Variants in CTBP2 observed in about 807,000 individuals in gnomAD.
The protein encoded by CTBP2 is C-terminal binding protein 2.
CTBP2 carries 30 observed loss-of-function variants against 80.3 expected under a neutral mutation model. That is an observed-to-expected ratio of 0.37 (90% confidence interval 0.28 to 0.51). CTBP2 has a LOEUF of 0.51. CTBP2 is among the 20% of genes least tolerant of loss of function. The pLI, the probability that CTBP2 is intolerant of heterozygous loss-of-function variation, is 0.93. For missense variants in CTBP2, 1,212 were observed against 1,375.3 expected, an observed-to-expected ratio of 0.88 and a Z score of 1.88; for synonymous variants, 594 against 587.4, an observed-to-expected ratio of 1.01 and a Z score of -0.16.
intron 2 of CTBP2, among the ~76,000 whole-genome samples, chr10:125,110,384 C>T (rs1334479986): frequency 2.0e-5 from 3 of 152,194 alleles, no homozygotes; most frequent in African/African-American, 4.8e-5. Context: ...AACCCTGCTA[C>T]GGGCACAGGA....
At position 125,003,443 on chromosome 10, in the gene CTBP2, C is replaced by G; in HGVS notation, c.1728G>C (p.Val576=). 6.3e-7 allele frequency: 1 copy of G among 1,584,426 alleles called. No homozygotes were observed. Among genetic ancestry groups the G allele is most frequent in the Non-Finnish European group, 8.5e-7 (1 of 1,170,054 alleles). ...TGCAGTCGCGGCCGTCCAGCAGCGC[C>G]ACCAGGGGGCGGGGGTGCAGGGGGC... Residue 576 remains valine (V), a synonymous_variant, in exon 2 of 9, where the codon GTG becomes GTC. Transcript: ENST00000309035.
chr10:125,096,215 C>G (rs914350060), intron 2 of CTBP2, among the ~76,000 whole-genome samples: 5 of 152,216 alleles, frequency 3.3e-5, no homozygotes, highest in African/African-American at 1.2e-4. Context: ...TATGTAGCCC[C>G]ACTATTAGTT....
intron 1 of CTBP2, among the ~76,000 whole-genome samples, chr10:125,119,007 C>T (rs1195628193): frequency 6.6e-6 from 1 of 152,228 alleles, no homozygotes; most frequent in Non-Finnish European, 1.5e-5. Context: ...TACTAACCAG[C>T]TGGGGCATCC....
At chr10:125,115,284 C>T (rs961374089) in intron 1 of CTBP2, among the ~76,000 whole-genome samples, 1 of 152,152 alleles carries the variant, frequency 6.6e-6, no homozygotes, top group Non-Finnish European at 1.5e-5. Flanking sequence ...CACCACTGTG[C>T]GCTGTGTTCC....
chr10:125,003,081 G>A lies in CTBP2; in HGVS notation c.1857C>T (p.Ala619=), dbSNP rs750232291. 1 of 1,614,024 alleles carries A rather than the reference G, an allele frequency of 6.2e-7. No homozygotes were observed. Among genetic ancestry groups the A allele is most frequent in the Non-Finnish European group, 8.5e-7 (1 of 1,180,026 alleles). The change falls in exon 3 of 9, where the codon GCC becomes GCT. Residue 619 remains alanine (A), a synonymous_variant. Coordinates refer to ENST00000309035, the MANE Select transcript of CTBP2 (RefSeq NM_022802.3). ...TGAGGGTGATGGTGTGGTACATCAT[G>A]GCGCCCACGGCTTCGTTTAGAACCT...
chr10:125,094,819 C>T (rs1849309683), intron 2 of CTBP2, among the ~76,000 whole-genome samples: 1 of 151,936 alleles, frequency 6.6e-6, no homozygotes, highest in African/African-American at 2.4e-5. Context: ...TCTGAAGTTC[C>T]AAACTAGAAA....
intron 1 of CTBP2, among the ~76,000 whole-genome samples, chr10:125,020,148 C>T (rs761032816): frequency 6.6e-6 from 1 of 152,220 alleles, no homozygotes; most frequent in Non-Finnish European, 1.5e-5. Context: ...CGCAAACCTT[C>T]CAGGAAAATA....
intron 1 of CTBP2, among the ~76,000 whole-genome samples, chr10:125,124,797 A>G (rs1854944431): frequency 6.6e-6 from 1 of 152,264 alleles, no homozygotes; most frequent in African/African-American, 2.4e-5. Flanking sequence ...TATAATTCAA[A>G]GCTGTCAAAC....
Position 125,011,477 on chromosome 10 carries a change from T to C in CTBP2, c.1679-7985A>G, listed in dbSNP as rs570924619. ...CTGATGCTCCCCAGAGCCTGGGCCA[T>C]GTTCTCAGGCCCCCAAAAGCTTTCT... On this transcript the variant is annotated intron_variant, in intron 1 of 8. Transcript: ENST00000309035. Among the ~76,000 whole-genome samples the C allele has an allele frequency of 2.8e-4, 42 of 152,312 alleles. 1 individual carries two copies. In the South Asian group the frequency reaches 7.9e-3, roughly 29 times the overall value.
At chr10:125,060,363 C>G (rs1208603225) in intron 2 of CTBP2, among the ~76,000 whole-genome samples, 2 of 152,198 alleles carry the variant, frequency 1.3e-5, no homozygotes, top group Non-Finnish European at 2.9e-5. Flanking sequence ...AAATAAGTCA[C>G]TCGTCATTAT....
intron 4 of CTBP2, chr10:124,997,562 G>C (rs189655085): frequency 4.6e-6 from 1 of 217,056 alleles, no homozygotes; most frequent in Non-Finnish European, 9.3e-6. Flanking sequence ...TCCATAACCC[G>C]CGTCTCCACT....
chr10:125,072,372 TGA>T (rs1337272055), intron 2 of CTBP2, among the ~76,000 whole-genome samples: 4 of 152,050 alleles, frequency 2.6e-5, no homozygotes, highest in Non-Finnish European at 5.9e-5. Context: ...TCCAGCATTT[TGA>T]GAGGCCAAGG....
intron 1 of CTBP2, among the ~76,000 whole-genome samples, chr10:125,151,379 G>A (rs980703653): frequency 2.0e-5 from 3 of 152,162 alleles, no homozygotes; most frequent in Non-Finnish European, 4.4e-5. Context: ...CGTCCTCGAC[G>A]TGGAGTTCTG....
chr10:125,085,431 C>T (rs1386548493), intron 2 of CTBP2, among the ~76,000 whole-genome samples: 1 of 152,226 alleles, frequency 6.6e-6, no homozygotes, highest in East Asian at 1.9e-4. Flanking sequence ...GCTCTGCGGG[C>T]ATATGGCAGG....
At chr10:125,030,445 C>T (rs1331567340), upstream of CTBP2, among the ~76,000 whole-genome samples, 27 of 152,180 alleles carry the variant, frequency 1.8e-4, no homozygotes, top group Admixed American at 1.8e-3. Context: ...CCAGACAATT[C>T]CAGAGATGGA....
chr10:125,055,995 T>C (rs566718398), intron 2 of CTBP2, among the ~76,000 whole-genome samples: 3 of 152,066 alleles, frequency 2.0e-5, no homozygotes, highest in South Asian at 2.1e-4. Flanking sequence ...TGAAACCCCG[T>C]GTGTACTAAA....
chr10:125,063,075 G>A (rs1445221328), intron 2 of CTBP2, among the ~76,000 whole-genome samples: 1 of 152,194 alleles, frequency 6.6e-6, no homozygotes, highest in Non-Finnish European at 1.5e-5. Context: ...CAGGGCCCTG[G>A]GCAGCTGTGC....
Position 125,027,006 on chromosome 10 carries a change from C to T in CTBP2, c.754G>A (p.Ala252Thr). Residue 252 changes from alanine (A) to threonine (T), a missense_variant, in exon 1 of 9, where the codon GCC becomes ACC. This residue lies in a region of CTBP2 where 848 missense variants were observed against 782.3 expected (regional missense o/e 1.08). Transcript: ENST00000309035. ...GCAGGCCCGTAGCCACGATTCAGGGCCCCTGGGGCCACCCCTGTGCTGCCT... is the reference window on the plus strand; with the variant it reads ...GCAGGCCCGTAGCCACGATTCAGGGTCCCTGGGGCCACCCCTGTGCTGCCT... 6.2e-7 allele frequency: 1 copy of T among 1,613,988 alleles called. No individual in the cohort carries two copies. Among genetic ancestry groups the T allele is most frequent in the South Asian group, 1.1e-5 (1 of 91,090 alleles).
At chr10:125,060,501 T>C (rs1964756431) in intron 2 of CTBP2, among the ~76,000 whole-genome samples, 2 of 148,926 alleles carry the variant, frequency 1.3e-5, no homozygotes, top group African/African-American at 5.0e-5. Flanking sequence ...TGTGTGTGTG[T>C]ACATGTGTGT....
Sources: allele counts gnomAD v4.1 joint callset (sites outside exome capture counted in the v4.1 genomes callset), GRCh38; gene constraint gnomAD v4.1.1; regional missense constraint gnomAD v4.1.1; transcripts MANE v1.5; gene names NCBI Gene and HGNC (gene_info 2026-07-23, HGNC 2026-07-21).